Variants in TMEM234 observed in about 807,000 individuals in gnomAD.
TMEM234 encodes the protein transmembrane protein 234, also known as chromosome 1 open reading frame 91.
A neutral mutation model predicts 17.8 loss-of-function variants in TMEM234; 21 were observed. The ratio of observed to expected loss-of-function variants is 1.18; its 90% CI spans 0.84 to 1.70. The LOEUF (loss-of-function observed/expected upper bound fraction) is 1.70. Ranked by LOEUF, TMEM234 falls within the 40% of genes most tolerant of loss-of-function variation. The pLI, the probability that TMEM234 is intolerant of heterozygous loss-of-function variation, is 0.00. For synonymous variants in TMEM234, 83 were observed against 73.5 expected (o/e 1.13, Z -0.66); for missense variants, 137 against 166.9 (o/e 0.82, Z 0.99).
At chr1:32,215,772 C>T (rs1638331032), downstream of TMEM234, 1 of 1,508,460 alleles carries the variant, frequency 6.6e-7, no homozygotes, top group Non-Finnish European at 9.0e-7. Context: ...ACTCACGGCT[C>T]CATTCTGTAT....
chr1:32,215,020 G>T (rs1457568940), downstream of TMEM234: 1 of 1,529,940 alleles, frequency 6.5e-7, no homozygotes, highest in Non-Finnish European at 8.8e-7. Context: ...GATGTCCATG[G>T]GAGCAGAATG....
chr1:32,217,458 C>T (rs569547632), intron 3 of TMEM234, 107 bp from the exon 4 acceptor site: 31 of 1,560,692 alleles, frequency 2.0e-5, no homozygotes, highest in Non-Finnish European at 2.5e-5. Flanking sequence ...GTATCAAAAC[C>T]CCATCTTCCA....
downstream of TMEM234, chr1:32,215,853 G>A: frequency 6.4e-7 from 1 of 1,552,964 alleles, no homozygotes. Flanking sequence ...CCAGCCTGGG[G>A]CTGGGGCTGC....
chr1:32,222,025 G>A lies in TMEM234; in HGVS notation c.17-7C>T, dbSNP rs1476675372. ...ACCAGAGCCAACACCTGCCCTGAAT[G>A]CAGACGAGTGAGTCACCCTGACCCC... On this transcript the variant is annotated splice_polypyrimidine_tract_variant and splice_region_variant and intron_variant, in intron 1 of 4. Transcript: ENST00000309777. The A allele has an allele frequency of 6.2e-7, 1 of 1,607,092 alleles. No individual in the cohort carries two copies. The highest frequency in any genetic ancestry group is 8.5e-7 in the Non-Finnish European group (1 of 1,177,234).
At chr1:32,218,794 C>T (rs1275881279) in intron 3 of TMEM234, among the ~76,000 whole-genome samples, 2 of 151,988 alleles carry the variant, frequency 1.3e-5, no homozygotes, top group East Asian at 1.9e-4. Flanking sequence ...AAAAATTAGC[C>T]AGGCATGGTG....
downstream of TMEM234, chr1:32,215,336 G>A (rs1638292723): frequency 2.0e-6 from 2 of 980,936 alleles, no homozygotes; most frequent in South Asian, 1.7e-5. Context: ...GGGGAATGCA[G>A]AACCAGGTTC....
At chr1:32,216,031 C>T (rs1319755608), downstream of TMEM234, 3 of 798,464 alleles carry the variant, frequency 3.8e-6, no homozygotes, top group East Asian at 5.3e-5. Flanking sequence ...CCTCAGCCCT[C>T]CCCGTTCTCC....
chr1:32,221,035 T>A, intron 3 of TMEM234, 96 bp downstream of exon 3: 1 of 935,736 alleles, frequency 1.1e-6, no homozygotes, highest in Non-Finnish European at 1.7e-6. Context: ...CTCTCACTGA[T>A]GGGAATGAGG....
In TMEM234 at chr1:32,216,282, CTGTT is replaced by C. The variant is rs1403588653; in HGVS notation, c.*567_*570del. 2.5e-5 allele frequency: 37 copies of C among 1,486,192 alleles called. No individual in the cohort carries two copies. The highest frequency in any genetic ancestry group is 2.9e-5 in the Non-Finnish European group (32 of 1,115,222). The allele number at this position is 1,486,192 out of a possible 1,614,324, so 92.1% of individuals were successfully genotyped here. A position where few individuals can be genotyped will look rare whatever the true frequency, so the allele number is the denominator to read the frequency against. ...GGGGCTGGGGCTCACAGCTCTCTAC[CTGTT>C]TAAGAGGGGCTGGCAGTGAGGATTT... On this transcript the variant is annotated 3_prime_UTR_variant, in exon 5 of 5. Coordinates refer to ENST00000309777, the MANE Select transcript of TMEM234 (RefSeq NM_019118.5).
chr1:32,222,246 C>A, intron 1 of TMEM234, 61 bp downstream of exon 1: 2 of 1,527,750 alleles, frequency 1.3e-6, no homozygotes, highest in Non-Finnish European at 1.8e-6. Flanking sequence ...GGATGTGGAG[C>A]AGGAAATGAA....
chr1:32,222,071 C>G (rs940005978), intron 1 of TMEM234, 53 bp from the exon 2 acceptor site: 1 of 1,539,302 alleles, frequency 6.5e-7, no homozygotes, highest in Non-Finnish European at 8.8e-7. Context: ...GGCCGCCCAC[C>G]CCGCCCTCTC....
intron 3 of TMEM234, chr1:32,217,577 C>G (rs1473894083): frequency 2.1e-6 from 2 of 967,344 alleles, no homozygotes; most frequent in East Asian, 5.4e-5. Context: ...CTGGGACCAG[C>G]CTGGTTTGAT....
chr1:32,215,937 T>G, downstream of TMEM234: 1 of 1,489,636 alleles, frequency 6.7e-7, no homozygotes, highest in Non-Finnish European at 9.2e-7. Context: ...ACCACTACTC[T>G]GGCCACCTTT....
rs773081808 is a variant in TMEM234, at chr1:32,217,479, C to G, written c.236-128G>C. 29 of 1,538,382 alleles carry G rather than the reference C, an allele frequency of 1.9e-5. No individual in the cohort carries two copies. The Admixed American group carries it at 5.8e-4, about 31-fold the overall frequency. On this transcript the variant is annotated intron_variant, in intron 3 of 4. Coordinates refer to ENST00000309777, the MANE Select transcript of TMEM234 (RefSeq NM_019118.5). Reference sequence around the variant, plus strand: ...AAACCCCATCTTCCAGATGAAGTCACAGCAAATCTCAGGACTCAAACCCAC... The same window carrying G: ...AAACCCCATCTTCCAGATGAAGTCAGAGCAAATCTCAGGACTCAAACCCAC...
rs554625829 is a variant in TMEM234 at position 32,221,624 on chromosome 1, T to C, written c.168+243A>G. On this transcript the variant is annotated intron_variant, in intron 2 of 4. Coordinates refer to ENST00000309777, the MANE Select transcript of TMEM234 (RefSeq NM_019118.5). ...TAATGGCAGCCATAGATTGAGCACT[T>C]ACTATGTTCTAGGCCTAATGCTAAG... Among the ~76,000 whole-genome samples the C allele has an allele frequency of 2.0e-5, 3 of 152,276 alleles. No homozygotes were observed. The South Asian group carries it at 6.3e-4, about 32-fold the overall frequency.
intron 2 of TMEM234, 65 bp from the exon 3 acceptor site, chr1:32,221,262 C>A: frequency 2.3e-6 from 3 of 1,288,806 alleles, no homozygotes; most frequent in Non-Finnish European, 3.4e-6. Flanking sequence ...CTTCTTTGAG[C>A]TCCTAGCGAA....
chr1:32,219,951 G>A (rs1470537022), intron 3 of TMEM234, among the ~76,000 whole-genome samples: 1 of 152,196 alleles, frequency 6.6e-6, no homozygotes, highest in African/African-American at 2.4e-5. Flanking sequence ...TGGCTGAAGT[G>A]GATGCTTCAT....
downstream of TMEM234, chr1:32,215,211 A>T: frequency 3.4e-6 from 2 of 585,828 alleles, no homozygotes; most frequent in South Asian, 5.0e-5. Context: ...ACATGAAAAG[A>T]AGCACCTGGA....
At chr1:32,221,780 G>A in intron 2 of TMEM234, 87 bp downstream of exon 2, 1 of 1,551,176 alleles carries the variant, frequency 6.4e-7, no homozygotes, top group Non-Finnish European at 8.7e-7. Flanking sequence ...TGAGTAAGTG[G>A]TGGGGCTGAC....
Sources: gnomAD v4.1 joint callset for allele counts (sites outside exome capture counted in the v4.1 genomes callset) on GRCh38, gnomAD v4.1.1 for gene constraint, MANE v1.5 for transcripts, NCBI Gene and HGNC (gene_info 2026-07-23, HGNC 2026-07-21) for gene names.